NTN1: variants seen among roughly 807,000 people sequenced by gnomAD.
NTN1 encodes the protein netrin 1.
Under a neutral mutation model 54.2 loss-of-function variants are expected in NTN1, and 11 were observed. The ratio of observed to expected loss-of-function variants is 0.20; its 90% CI spans 0.13 to 0.34. The LOEUF (loss-of-function observed/expected upper bound fraction) is 0.34, where lower values mean the gene tolerates loss of function less well. Ranked by LOEUF, NTN1 falls within the 10% of genes least tolerant of loss-of-function variation. NTN1 has a pLI of 1.00. For missense variants in NTN1, 740 were observed against 893.1 expected, an observed-to-expected ratio of 0.83 and a Z score of 2.18; for synonymous variants, 371 against 382.0, an observed-to-expected ratio of 0.97 and a Z score of 0.33.
chr17:9,216,513 A>G (rs568200829), intron 5 of NTN1, among the ~76,000 whole-genome samples: 5 of 152,220 alleles, frequency 3.3e-5, no homozygotes, highest in Admixed American at 2.6e-4. Flanking sequence ...CCCTATGCCT[A>G]AAGTATTCAC....
chr17:9,172,038 G>A (rs984006959), intron 3 of NTN1, among the ~76,000 whole-genome samples: 6 of 151,882 alleles, frequency 4.0e-5, no homozygotes, highest in Non-Finnish European at 5.9e-5. Flanking sequence ...ACAGGCATGC[G>A]CCACCACACC....
chr17:9,088,358 GGT>G (rs1372211546), intron 2 of NTN1, among the ~76,000 whole-genome samples: 1 of 152,144 alleles, frequency 6.6e-6, no homozygotes, highest in Non-Finnish European at 1.5e-5. Context: ...CTGGGTTCTG[GGT>G]GTGGCTTTAT....
At chr17:9,163,652 C>G (rs929046559) in intron 3 of NTN1, among the ~76,000 whole-genome samples, 61 of 152,172 alleles carry the variant, frequency 4.0e-4, no homozygotes, top group African/African-American at 1.4e-3. Flanking sequence ...TTTTCGTCCA[C>G]TGAAGCAAGC....
rs190376413 is a variant in NTN1, at chr17:9,114,891, G to C, written c.1019-47922G>C. Among the ~76,000 whole-genome samples the C allele has an allele frequency of 4.3e-3, 658 of 152,320 alleles. 2 individuals carry two copies. The highest frequency in any genetic ancestry group is 5.8e-3 in the Non-Finnish European group (392 of 68,028). Reference sequence around the variant, plus strand: ...GACCTGCAGAGTTTATGAAACTGCTGTTCCCATCTGTCTGTTCATGTCTGT... The same window carrying C: ...GACCTGCAGAGTTTATGAAACTGCTCTTCCCATCTGTCTGTTCATGTCTGT... On this transcript the variant is annotated intron_variant, in intron 2 of 6. Transcript: ENST00000173229.
chr17:9,007,098 G>GTTTTC, the NTN1 span, among the ~76,000 whole-genome samples: 14 of 152,122 alleles, frequency 9.2e-5, no homozygotes, highest in Admixed American at 2.0e-4. Flanking sequence ...AGACTCCATT[G>GTTTTC]TTTTCTTTTC....
chr17:9,007,219 TTC>T, the NTN1 span, among the ~76,000 whole-genome samples: 628 of 151,510 alleles, frequency 4.1e-3, 6 homozygotes, highest in African/African-American at 0.015. Flanking sequence ...CTTCCTTTCT[TTC>T]TCTCTGTTTC....
intron 5 of NTN1, among the ~76,000 whole-genome samples, chr17:9,186,291 C>T (rs1178935402): frequency 1.3e-5 from 2 of 152,234 alleles, no homozygotes; most frequent in Admixed American, 6.5e-5. Flanking sequence ...GCTGATTCCA[C>T]CTCACCACTG....
At chr17:9,232,577 C>T (rs534700309) in intron 6 of NTN1, among the ~76,000 whole-genome samples, 1 of 152,286 alleles carries the variant, frequency 6.6e-6, no homozygotes, top group South Asian at 2.1e-4. Flanking sequence ...CGTTGGGTGT[C>T]CTCATGTTGT....
chr17:9,106,222 C>A (rs189686227), intron 2 of NTN1, among the ~76,000 whole-genome samples: 2 of 152,294 alleles, frequency 1.3e-5, no homozygotes, highest in Admixed American at 1.3e-4. Context: ...ACCTGCCTTG[C>A]GGGTGAGATG....
At chr17:9,203,409 A>G (rs572506679) in intron 5 of NTN1, among the ~76,000 whole-genome samples, 38 of 152,328 alleles carry the variant, frequency 2.5e-4, no homozygotes, top group Non-Finnish European at 3.8e-4. Context: ...GGAGGTTTCT[A>G]TCATACCTTC....
At chr17:9,054,516 A>AG (rs557507695) in intron 2 of NTN1, among the ~76,000 whole-genome samples, 3 of 152,328 alleles carry the variant, frequency 2.0e-5, no homozygotes, top group African/African-American at 7.2e-5. Context: ...TGCCTTGTAG[A>AG]GGGGGGTCTT....
chr17:9,133,372 T>C (rs2092271507), intron 2 of NTN1, among the ~76,000 whole-genome samples: 2 of 152,204 alleles, frequency 1.3e-5, no homozygotes, highest in Admixed American at 1.3e-4. Context: ...CGAGGAAGGA[T>C]CTGGGCAGCC....
intron 5 of NTN1, among the ~76,000 whole-genome samples, chr17:9,190,024 A>G (rs1446022074): frequency 1.3e-5 from 2 of 152,264 alleles, no homozygotes; most frequent in Non-Finnish European, 2.9e-5. Flanking sequence ...AATCAGCCGA[A>G]GATTGTTAGA....
intron 5 of NTN1, among the ~76,000 whole-genome samples, chr17:9,190,567 A>G (rs1422330201): frequency 6.6e-6 from 1 of 152,158 alleles, no homozygotes; most frequent in African/African-American, 2.4e-5. Context: ...AAGTCTAGAA[A>G]CAGGCCAGGT....
chr17:9,195,444 A>G (rs1904605626), intron 5 of NTN1, among the ~76,000 whole-genome samples: 1 of 152,158 alleles, frequency 6.6e-6, no homozygotes, highest in Non-Finnish European at 1.5e-5. Context: ...GGAACGGGAC[A>G]AGTGACAGGT....
At chr17:9,162,424 C>G (rs1224577822) in intron 2 of NTN1, among the ~76,000 whole-genome samples, 2 of 152,182 alleles carry the variant, frequency 1.3e-5, no homozygotes, top group African/African-American at 2.4e-5. Flanking sequence ...CTCACGGGAT[C>G]TCTCCTCCGT....
At chr17:9,086,275 G>A (rs2092089697) in intron 2 of NTN1, among the ~76,000 whole-genome samples, 1 of 152,184 alleles carries the variant, frequency 6.6e-6, no homozygotes, top group African/African-American at 2.4e-5. Flanking sequence ...GCCTGAGGCA[G>A]GAGGATTACT....
chr17:9,228,234 A>G (rs1163211971), intron 6 of NTN1, among the ~76,000 whole-genome samples: 5 of 152,158 alleles, frequency 3.3e-5, no homozygotes, highest in Non-Finnish European at 7.4e-5. Flanking sequence ...TTCCTGGAGG[A>G]GGGAGCCTGA....
chr17:9,163,028 G>C (rs755497852), intron 3 of NTN1, 27 bp downstream of exon 3: 12 of 1,566,570 alleles, frequency 7.7e-6, no homozygotes, highest in Non-Finnish European at 9.5e-6. Flanking sequence ...GGGGCGGGGG[G>C]CTGGGGAGAC....
Sources: allele counts gnomAD v4.1 joint callset (sites outside exome capture counted in the v4.1 genomes callset), GRCh38; gene constraint gnomAD v4.1.1; transcripts MANE v1.5; gene names NCBI Gene and HGNC (gene_info 2026-07-23, HGNC 2026-07-21).